NLRP14: variants seen among roughly 807,000 people sequenced by gnomAD.
NLRP14 encodes NLR family pyrin domain containing 14.
A neutral mutation model predicts 94.7 loss-of-function variants in NLRP14; 105 were observed. That is an observed-to-expected ratio of 1.11 (90% CI 0.95 to 1.30). NLRP14 has a LOEUF of 1.30. Ranked by LOEUF, NLRP14 falls within the 50% of genes most tolerant of loss-of-function variation. NLRP14 has a pLI of 0.00. For synonymous variants in NLRP14, 508 were observed against 459.9 expected (o/e 1.10, Z -1.34); for missense variants, 1,362 against 1,254.1 (o/e 1.09, Z -1.30).
At chr11:7,090,253 G>C in the NLRP14 span, 1 of 1,608,782 alleles carries the variant, frequency 6.2e-7, no homozygotes, top group South Asian at 1.1e-5. Context: ...GGCGGAGGCC[G>C]TCTAGGAGGC....
chr11:7,076,369 T>A (rs1852873887), downstream of NLRP14, among the ~76,000 whole-genome samples: 1 of 152,214 alleles, frequency 6.6e-6, no homozygotes, highest in South Asian at 2.1e-4. Flanking sequence ...TTTATCGTTT[T>A]CTTTTTAATT....
chr11:7,060,839 A>T (rs1852607448), intron 9 of NLRP14, among the ~76,000 whole-genome samples: 1 of 152,172 alleles, frequency 6.6e-6, no homozygotes, highest in Non-Finnish European at 1.5e-5. Flanking sequence ...AAATACATTT[A>T]TCGAGGTGTG....
chr11:7,067,388 T>G (rs922350029), intron 10 of NLRP14, among the ~76,000 whole-genome samples: 1 of 152,214 alleles, frequency 6.6e-6, no homozygotes, highest in African/African-American at 2.4e-5. Context: ...TGAGCAGTGG[T>G]TTGTAGTTCT....
rs376944042 is a variant in NLRP14 at position 7,071,214 on chromosome 11, T to C, written c.3188T>C (p.Leu1063Pro). The change falls in exon 12 of 12, where the codon CTG (leucine) becomes CCG (proline). Residue 1063 changes from leucine to proline, a missense_variant. Coordinates refer to ENST00000299481, the MANE Select transcript of NLRP14 (RefSeq NM_176822.4). The part of the protein sequence containing the change: ...EAFDEEAQKL[L>P]EAVGVSNPHL... ...TTTGATGAGGAAGCCCAGAAGCTGC[T>C]GGAAGCTGTGGGAGTTAGCAATCCA... 4 of 1,613,752 alleles carry C rather than the reference T, an allele frequency of 2.5e-6. No homozygotes were observed. The highest frequency in any genetic ancestry group is 3.3e-5 in the Admixed American group (2 of 59,964).
intron 1 of NLRP14, among the ~76,000 whole-genome samples, chr11:7,027,725 G>A (rs761102037): frequency 2.6e-5 from 4 of 151,938 alleles, no homozygotes; most frequent in Non-Finnish European, 4.4e-5. Context: ...TCACCCTACC[G>A]TCTCACTGAA....
At chr11:7,072,472 G>T (rs1191840887), downstream of NLRP14, among the ~76,000 whole-genome samples, 1 of 152,196 alleles carries the variant, frequency 6.6e-6, no homozygotes, top group Non-Finnish European at 1.5e-5. Context: ...AAGAAATCAA[G>T]CAGGCCACCT....
chr11:7,020,985 C>T (rs1851920219), intron 1 of NLRP14, among the ~76,000 whole-genome samples: 1 of 152,180 alleles, frequency 6.6e-6, no homozygotes. Flanking sequence ...AGAGCCTGTT[C>T]TATTATTTAG....
intron 1 of NLRP14, among the ~76,000 whole-genome samples, chr11:7,024,014 C>G (rs1475518200): frequency 1.3e-5 from 2 of 152,136 alleles, no homozygotes; most frequent in East Asian, 3.9e-4. Context: ...GGACAAATAT[C>G]CAAACTATAT....
In NLRP14 at chr11:7,042,888, C is replaced by T. The variant is rs1461922480; in HGVS notation, c.862C>T (p.Leu288Phe). 3.7e-6 allele frequency: 6 copies of T among 1,614,048 alleles called. No individual in the cohort carries two copies. Among genetic ancestry groups the T allele is most frequent in the Non-Finnish European group, 5.1e-6 (6 of 1,180,030 alleles). The part of the protein sequence containing the change: ...DWTQEHPVSF[L>F]MSSLLRKVML... ...GACCCAAGAACACCCAGTGTCCTTCCTCATGAGTAGTTTGCTGAGGAAAGT... is the reference window on the plus strand; with the variant it reads ...GACCCAAGAACACCCAGTGTCCTTCTTCATGAGTAGTTTGCTGAGGAAAGT... The change falls in exon 4 of 12, where the codon CTC becomes TTC. Residue 288 changes from leucine to phenylalanine, a missense_variant. Physicochemically the swap from Leu to Phe is conservative, Grantham distance 22. Coordinates refer to ENST00000299481, the MANE Select transcript of NLRP14 (RefSeq NM_176822.4).
chr11:7,033,150 G>C (rs1350165227), intron 1 of NLRP14, among the ~76,000 whole-genome samples: 1 of 152,138 alleles, frequency 6.6e-6, no homozygotes, highest in Non-Finnish European at 1.5e-5. Flanking sequence ...GTATTGATTG[G>C]TTCTACTATA....
In NLRP14 at chr11:7,059,809, T is replaced by A. The variant is rs1852584827; in HGVS notation, c.2634-85T>A. The A allele has an allele frequency of 2.2e-5, 26 of 1,186,572 alleles. No homozygotes were observed. The South Asian group carries it at 3.4e-4, about 15-fold the overall frequency. 73.5% of individuals were successfully genotyped at this position (1,186,572 alleles called of 1,614,324 possible). ...GGAATGTTGGCAAATAGATAAGGGA[T>A]CAAATCATGAAATCTCTTCAGAGAA... On this transcript the variant is annotated intron_variant, in intron 8 of 11. Coordinates refer to ENST00000299481, the MANE Select transcript of NLRP14 (RefSeq NM_176822.4).
the NLRP14 span, chr11:7,089,027 G>T: frequency 6.9e-7 from 1 of 1,448,398 alleles, no homozygotes; most frequent in African/African-American, 1.4e-5. Context: ...CGCCTGACCA[G>T]TAGGAGCCGC....
rs529264845 is a variant in NLRP14, at chr11:7,047,942, T to C, written c.2123+1110T>C. Among the ~76,000 whole-genome samples the C allele has an allele frequency of 1.7e-4, 26 of 151,512 alleles. 2 individuals carry two copies. The South Asian group carries it at 5.4e-3, about 32-fold the overall frequency. On this transcript the variant is annotated intron_variant, in intron 5 of 11. Coordinates refer to ENST00000299481, the MANE Select transcript of NLRP14 (RefSeq NM_176822.4). ...ACCTGGCTAATTTTTGTATTTTTAG[T>C]AGAGACAGGGTTTCACCATGTTGGC...
chr11:7,040,849 A>G (rs1256183267), intron 3 of NLRP14, among the ~76,000 whole-genome samples: 3 of 152,186 alleles, frequency 2.0e-5, no homozygotes, highest in Non-Finnish European at 2.9e-5. Context: ...AAAGAAGTAT[A>G]TCTTTATGGT....
chr11:7,090,537 AC>A, the NLRP14 span: 2 of 579,604 alleles, frequency 3.5e-6, no homozygotes, highest in Admixed American at 6.1e-5. Context: ...AAGTATATGA[AC>A]CTGAGTACTA....
chr11:7,070,438 G>A lies in NLRP14; in HGVS notation c.3128G>A (p.Cys1043Tyr), dbSNP rs1489244739. The change falls in exon 11 of 12, where the codon TGT (cysteine) becomes TAT (tyrosine). Residue 1043 changes from cysteine to tyrosine, a missense_variant. Physicochemically the swap from Cys to Tyr is radical, Grantham distance 194 (BLOSUM62 -2). Coordinates refer to ENST00000299481, the MANE Select transcript of NLRP14 (RefSeq NM_176822.4). Reference sequence around the variant, plus strand: ...TATAAAGTCTTGAAGTCTCCTAAGTGTAAACTACAAGTTCTAGGGTAAGTC... The same window carrying A: ...TATAAAGTCTTGAAGTCTCCTAAGTATAAACTACAAGTTCTAGGGTAAGTC... Reference protein sequence around the residue: ...KLYKVLKSPKCKLQVLGLCKE... With the variant: ...KLYKVLKSPKYKLQVLGLCKE... 2 of 1,611,310 alleles carry A rather than the reference G, an allele frequency of 1.2e-6. No homozygotes were observed. The highest frequency in any genetic ancestry group is 1.7e-4 in the Middle Eastern group (1 of 6,056).
At chr11:7,038,946 T>A in intron 2 of NLRP14, 71 bp downstream of exon 2, 3 of 1,462,004 alleles carry the variant, frequency 2.1e-6, no homozygotes, top group Non-Finnish European at 2.8e-6. Context: ...GTGGAATGTT[T>A]CTGTAAGAGG....
the NLRP14 span, among the ~76,000 whole-genome samples, chr11:7,082,955 A>G: frequency 1.3e-5 from 2 of 152,220 alleles, no homozygotes; most frequent in South Asian, 2.1e-4. Context: ...TTTAGAATAG[A>G]GCTATACTTT....
rs186821980 is a variant in NLRP14 at position 7,026,384 on chromosome 11, A to G, written c.-22+5614A>G. On this transcript the variant is annotated intron_variant, in intron 1 of 11. Transcript: ENST00000299481. ...ACTCCTCAAAAGAAGACATTTATGCAGCCAAAAGACACATGAGAAAATGCT... is the reference window on the plus strand; with the variant it reads ...ACTCCTCAAAAGAAGACATTTATGCGGCCAAAAGACACATGAGAAAATGCT... Among the ~76,000 whole-genome samples the G allele has an allele frequency of 2.6e-3, 393 of 152,368 alleles. 3 individuals carry two copies. Among genetic ancestry groups the G allele is most frequent in the African/African-American group, 9.3e-3 (385 of 41,592 alleles).
Sources: allele counts gnomAD v4.1 joint callset (sites outside exome capture counted in the v4.1 genomes callset), GRCh38; gene constraint gnomAD v4.1.1; transcripts MANE v1.5; gene names NCBI Gene and HGNC (gene_info 2026-07-23, HGNC 2026-07-21).